SPOCK3: variants seen among roughly 807,000 people sequenced by gnomAD.
SPOCK3 encodes the protein SPARC (osteonectin), cwcv and kazal like domains proteoglycan 3, also known as testican-3.
In SPOCK3, 30 loss-of-function variants were observed where a neutral mutation model predicts 56.6. That is an observed-to-expected ratio of 0.53 (90% CI 0.40 to 0.72). SPOCK3 has a LOEUF of 0.72. Among genes scored for constraint, SPOCK3 ranks in the 30% least tolerant of loss-of-function variants. SPOCK3 has a pLI of 0.00. For missense variants in SPOCK3, 527 were observed against 530.0 expected (o/e 0.99, Z 0.06); for synonymous variants, 196 against 183.3 (o/e 1.07, Z -0.56).
chr4:167,224,549 T>A (rs1736397986), intron 2 of SPOCK3, among the ~76,000 whole-genome samples: 1 of 152,214 alleles, frequency 6.6e-6, no homozygotes. Flanking sequence ...GTATACCAAA[T>A]GTAAGTTTTT....
At chr4:166,755,698 AT>A (rs1736977731) in intron 7 of SPOCK3, among the ~76,000 whole-genome samples, 1 of 152,094 alleles carries the variant, frequency 6.6e-6, no homozygotes, top group Non-Finnish European at 1.5e-5. Flanking sequence ...TATCAAAAAG[AT>A]GTAATCTTCA....
chr4:167,161,225 C>T (rs999146373), intron 2 of SPOCK3, among the ~76,000 whole-genome samples: 6 of 152,198 alleles, frequency 3.9e-5, no homozygotes, highest in African/African-American at 1.2e-4. Context: ...AACAAGTGGG[C>T]GAAGGATATG....
chr4:167,084,079 TTA>T (rs1435792972), intron 2 of SPOCK3, among the ~76,000 whole-genome samples: 2 of 152,100 alleles, frequency 1.3e-5, no homozygotes, highest in Non-Finnish European at 2.9e-5. Context: ...AGTATAATAA[TTA>T]GTCTCAAATT....
At position 166,850,556 on chromosome 4, in the gene SPOCK3, C is replaced by T. The variant is rs953271193; in HGVS notation, c.589+38574G>A. ...ATTTCTGCATTTCCATCTGAGGTAC[C>T]GGGTTCATCTCACTAGGGAGTGCCA... On this transcript the variant is annotated intron_variant, in intron 6 of 10. Transcript: ENST00000357545. Among the ~76,000 whole-genome samples, 18 of 152,292 alleles carry T rather than the reference C, an allele frequency of 1.2e-4. No individual in the cohort carries two copies. In the Middle Eastern group the frequency reaches 0.01, roughly 86 times the overall value.
chr4:167,129,091 T>C (rs1762511100), intron 2 of SPOCK3, among the ~76,000 whole-genome samples: 1 of 152,166 alleles, frequency 6.6e-6, no homozygotes, highest in Non-Finnish European at 1.5e-5. Context: ...AGACTGAGAA[T>C]GACACAGAGT....
chr4:166,921,682 T>G (rs907751944), intron 4 of SPOCK3, among the ~76,000 whole-genome samples: 1 of 152,202 alleles, frequency 6.6e-6, no homozygotes, highest in African/African-American at 2.4e-5. Context: ...ACTGTTCTCC[T>G]GGAAATTGTA....
intron 2 of SPOCK3, among the ~76,000 whole-genome samples, chr4:167,094,455 T>G (rs1379023783): frequency 6.6e-6 from 1 of 151,994 alleles, no homozygotes; most frequent in Non-Finnish European, 1.5e-5. Context: ...GTATACAAGC[T>G]TGTTCAAAAT....
upstream of SPOCK3, chr4:167,234,652 C>G (rs922288855): frequency 8.0e-5 from 15 of 186,568 alleles, no homozygotes; most frequent in African/African-American, 3.3e-4. Flanking sequence ...CCCTCCCTCC[C>G]CGACCTCCGT....
Position 166,784,678 on chromosome 4 carries a change from T to C in SPOCK3, c.709+7492A>G, listed in dbSNP as rs550852649. 3.3e-5 allele frequency among the ~76,000 whole-genome samples: 5 copies of C among 152,126 alleles called. No homozygotes were observed. In the South Asian group the frequency reaches 1.0e-3, roughly 31 times the overall value. ...TTGTTTTAAACCATCTGATTCCACATTCAGTCTTTCTCTTAATGTGAAGAC... is the reference window on the plus strand; with the variant it reads ...TTGTTTTAAACCATCTGATTCCACACTCAGTCTTTCTCTTAATGTGAAGAC... On this transcript the variant is annotated intron_variant, in intron 7 of 10. Coordinates refer to ENST00000357545, the MANE Select transcript of SPOCK3 (RefSeq NM_001040159.2).
At chr4:167,098,524 A>T (rs932679944) in intron 2 of SPOCK3, among the ~76,000 whole-genome samples, 1 of 152,068 alleles carries the variant, frequency 6.6e-6, no homozygotes, top group Non-Finnish European at 1.5e-5. Flanking sequence ...ATTTTCAAAA[A>T]TAATGCCCCA....
At chr4:166,952,045 C>T (rs1742709026) in intron 4 of SPOCK3, among the ~76,000 whole-genome samples, 1 of 152,168 alleles carries the variant, frequency 6.6e-6, no homozygotes, top group African/African-American at 2.4e-5. Flanking sequence ...CCTTCTCTCA[C>T]CACTCCTATT....
chr4:167,033,392 C>CATTATTATT lies in SPOCK3; in HGVS notation c.235+29091_235+29099dup, dbSNP rs55774234. ...CATTTTCATAATATAAGCAATTATT[C>CATTATTATT]ATTATTATTATTATTATTATTATTA... On this transcript the variant is annotated intron_variant, in intron 3 of 10. Coordinates refer to ENST00000357545, the MANE Select transcript of SPOCK3 (RefSeq NM_001040159.2). Among the ~76,000 whole-genome samples, 687 of 146,546 alleles carry CATTATTATT rather than the reference C, an allele frequency of 4.7e-3. 6 individuals carry two copies. Among genetic ancestry groups the CATTATTATT allele is most frequent in the African/African-American group, 0.016 (635 of 40,038 alleles).
At chr4:167,116,598 A>ATATATAGTATATACGTATATATATACG (rs1761374368) in intron 2 of SPOCK3, among the ~76,000 whole-genome samples, 1 of 89,826 alleles carries the variant, frequency 1.1e-5, no homozygotes, top group Admixed American at 1.2e-4. Flanking sequence ...ATATATATAC[A>ATATATAGTATATACGTATATATATACG]TATATACTAT....
In SPOCK3 at chr4:167,230,955, C is replaced by A. The variant is rs531239156; in HGVS notation, c.189+3030G>T. On this transcript the variant is annotated intron_variant, in intron 2 of 10. Transcript: ENST00000357545. The stretch of plus-strand genomic sequence containing the variant: ...CAAGCTTGTTTCTCCTGTGTTAATA[C>A]CTATTCACTGTAAGCTTGTCTTTGC... Among the ~76,000 whole-genome samples the A allele has an allele frequency of 2.6e-5, 4 of 152,152 alleles. No homozygotes were observed. The East Asian group carries it at 5.8e-4, about 22-fold the overall frequency.
intron 6 of SPOCK3, among the ~76,000 whole-genome samples, chr4:166,801,284 C>T (rs1457578874): frequency 6.6e-6 from 1 of 152,048 alleles, no homozygotes; most frequent in Non-Finnish European, 1.5e-5. Context: ...CATAGGTATT[C>T]GGTAGCACAT....
intron 2 of SPOCK3, among the ~76,000 whole-genome samples, chr4:167,161,222 G>A (rs535073687): frequency 4.9e-4 from 75 of 152,218 alleles, no homozygotes; most frequent in African/African-American, 1.7e-3. Flanking sequence ...ATTAACAAGT[G>A]GGCGAAGGAT....
At position 166,894,557 on chromosome 4, in the gene SPOCK3, A is replaced by G. The variant is rs192423674; in HGVS notation, c.475-5313T>C. 5.3e-5 allele frequency among the ~76,000 whole-genome samples: 8 copies of G among 152,286 alleles called. No homozygotes were observed. The East Asian group carries it at 1.4e-3, about 26-fold the overall frequency. On this transcript the variant is annotated intron_variant, in intron 5 of 10. Transcript: ENST00000357545. ...TCAAAATGGCATCTAGAAACTGGCA[A>G]TTGTAAAGAACTAGTTGAATTTAAG...
chr4:167,205,394 ATATATAATATAT>A (rs1734093699), intron 2 of SPOCK3, among the ~76,000 whole-genome samples: 1 of 45,470 alleles, frequency 2.2e-5, no homozygotes, highest in African/African-American at 9.6e-5. Flanking sequence ...TATATATTTT[ATATATAATATAT>A]TATATATTAA....
intron 2 of SPOCK3, among the ~76,000 whole-genome samples, chr4:167,153,762 T>A (rs933363753): frequency 1.3e-5 from 2 of 152,188 alleles, no homozygotes; most frequent in Non-Finnish European, 2.9e-5. Context: ...AAATGACACA[T>A]AGCATCAAAA....
Sources: allele counts gnomAD v4.1 joint callset (sites outside exome capture counted in the v4.1 genomes callset), GRCh38; gene constraint gnomAD v4.1.1; transcripts MANE v1.5; gene names NCBI Gene and HGNC (gene_info 2026-07-23, HGNC 2026-07-21).